Variants in MAGI2 observed in about 807,000 individuals in gnomAD.
MAGI2 encodes the protein membrane-associated guanylate kinase, WW and PDZ domain-containing protein 2.
A neutral mutation model predicts 133.3 loss-of-function variants in MAGI2; 35 were observed. That is an observed-to-expected ratio of 0.26 (90% CI 0.20 to 0.35). The LOEUF (loss-of-function observed/expected upper bound fraction) is 0.35. Ranked by LOEUF, MAGI2 falls within the 10% of genes least tolerant of loss-of-function variation. The probability of loss-of-function intolerance (pLI) is 1.00; values close to 1 mark genes in which losing one functional copy is unlikely to be tolerated. For synonymous variants in MAGI2, 729 were observed against 710.6 expected (o/e 1.03, Z -0.41); for missense variants, 1,636 against 1,863.4 (o/e 0.88, Z 2.25).
intron 2 of MAGI2, among the ~76,000 whole-genome samples, chr7:78,786,444 G>A (rs953830426): frequency 1.3e-5 from 2 of 152,146 alleles, no homozygotes; most frequent in African/African-American, 4.8e-5. Context: ...ATAAGCCAAT[G>A]TCATAAAAGT....
At chr7:79,310,936 A>C (rs1563102969) in intron 1 of MAGI2, among the ~76,000 whole-genome samples, 2 of 110,898 alleles carry the variant, frequency 1.8e-5, no homozygotes, top group Admixed American at 1.1e-4. Context: ...TCACTTTAAA[A>C]CACACACACA....
intron 2 of MAGI2, among the ~76,000 whole-genome samples, chr7:78,655,181 T>TAAAA (rs1324794134): frequency 6.6e-6 from 1 of 151,330 alleles, no homozygotes; most frequent in African/African-American, 2.4e-5. Context: ...AGAAAAAGGC[T>TAAAA]AAAAAAGTGA....
intron 10 of MAGI2, among the ~76,000 whole-genome samples, chr7:78,222,062 A>G (rs1788887796): frequency 6.6e-6 from 1 of 152,032 alleles, no homozygotes; most frequent in Non-Finnish European, 1.5e-5. Flanking sequence ...AAAAAATCAA[A>G]TATGCAAAAC....
chr7:78,436,798 A>G (rs1182547769), intron 6 of MAGI2, among the ~76,000 whole-genome samples: 1 of 152,160 alleles, frequency 6.6e-6, no homozygotes, highest in African/African-American at 2.4e-5. Context: ...CGCATCCCCA[A>G]GCTGGCCTGT....
At chr7:78,634,041 C>T (rs899907666) in intron 2 of MAGI2, among the ~76,000 whole-genome samples, 3 of 152,038 alleles carry the variant, frequency 2.0e-5, no homozygotes, top group African/African-American at 7.2e-5. Flanking sequence ...ATAATCAAAG[C>T]TTTAAATCAC....
intron 7 of MAGI2, among the ~76,000 whole-genome samples, chr7:78,355,832 C>CA (rs1216487895): frequency 6.6e-6 from 1 of 152,050 alleles, no homozygotes; most frequent in Non-Finnish European, 1.5e-5. Context: ...TTTCTGAAGA[C>CA]AAAAATGTGA....
At chr7:78,769,222 CT>C (rs1248439878) in intron 2 of MAGI2, among the ~76,000 whole-genome samples, 2 of 151,802 alleles carry the variant, frequency 1.3e-5, no homozygotes, top group African/African-American at 4.8e-5. Context: ...AAAAACACAG[CT>C]TTTTACTTTC....
chr7:78,870,724 T>C (rs999922741), intron 2 of MAGI2, among the ~76,000 whole-genome samples: 4 of 152,074 alleles, frequency 2.6e-5, no homozygotes, highest in African/African-American at 9.7e-5. Context: ...AAATAAATCA[T>C]TATATGAAAA....
intron 3 of MAGI2, among the ~76,000 whole-genome samples, chr7:78,548,112 C>G (rs1273438880): frequency 6.6e-6 from 1 of 152,212 alleles, no homozygotes; most frequent in African/African-American, 2.4e-5. Context: ...AGAGCCTTGA[C>G]CAACTATCTA....
At chr7:78,642,788 T>C (rs1358343325) in intron 2 of MAGI2, among the ~76,000 whole-genome samples, 1 of 152,230 alleles carries the variant, frequency 6.6e-6, no homozygotes, top group Non-Finnish European at 1.5e-5. Context: ...CATTTTACTC[T>C]TTTTATACCT....
At chr7:78,850,821 C>T (rs1278709903) in intron 2 of MAGI2, among the ~76,000 whole-genome samples, 1 of 152,056 alleles carries the variant, frequency 6.6e-6, no homozygotes, top group African/African-American at 2.4e-5. Flanking sequence ...TTTAATTGCT[C>T]ATTAGCAAAC....
intron 6 of MAGI2, among the ~76,000 whole-genome samples, chr7:78,428,163 G>T (rs1799465004): frequency 6.6e-6 from 1 of 152,184 alleles, no homozygotes; most frequent in Non-Finnish European, 1.5e-5. Context: ...GGACAGAAAA[G>T]AGGACAAGTT....
chr7:78,689,105 A>C (rs1816686143), intron 2 of MAGI2, among the ~76,000 whole-genome samples: 1 of 152,228 alleles, frequency 6.6e-6, no homozygotes, highest in Non-Finnish European at 1.5e-5. Context: ...TTCACAATAC[A>C]AAGCAGTGTT....
At chr7:78,479,141 A>G (rs1201720945) in intron 6 of MAGI2, among the ~76,000 whole-genome samples, 1 of 151,998 alleles carries the variant, frequency 6.6e-6, no homozygotes, top group Non-Finnish European at 1.5e-5. Context: ...ACAACTCTGT[A>G]GTAAGAAGTT....
chr7:79,189,048 G>C (rs1376426496), intron 1 of MAGI2, among the ~76,000 whole-genome samples: 2 of 151,640 alleles, frequency 1.3e-5, no homozygotes, highest in African/African-American at 4.9e-5. Flanking sequence ...AAATTTTGTT[G>C]TTGTTTTTAA....
At chr7:78,323,702 ATCT>A (rs1200552104) in intron 9 of MAGI2, among the ~76,000 whole-genome samples, 15 of 152,156 alleles carry the variant, frequency 9.9e-5, no homozygotes, top group African/African-American at 2.7e-4. Context: ...ATCAAGTGAA[ATCT>A]TCTTGTAATT....
chr7:78,696,795 T>C (rs1233072026), intron 2 of MAGI2, among the ~76,000 whole-genome samples: 1 of 152,248 alleles, frequency 6.6e-6, no homozygotes, highest in African/African-American at 2.4e-5. Context: ...GTTGAGTGGT[T>C]TGATGCTCTC....
At chr7:78,425,524 C>T (rs1213668950) in intron 6 of MAGI2, among the ~76,000 whole-genome samples, 1 of 152,164 alleles carries the variant, frequency 6.6e-6, no homozygotes, top group African/African-American at 2.4e-5. Flanking sequence ...AGGAGCTAGA[C>T]ATCTGTATGT....
intron 21 of MAGI2, among the ~76,000 whole-genome samples, chr7:78,039,837 T>C (rs1298440443): frequency 6.6e-6 from 1 of 152,122 alleles, no homozygotes; most frequent in Non-Finnish European, 1.5e-5. Context: ...ACAAAGCAAT[T>C]GGAGAAATTG....
Sources: allele counts gnomAD v4.1 joint callset (sites outside exome capture counted in the v4.1 genomes callset), GRCh38; gene constraint gnomAD v4.1.1; transcripts MANE v1.5; gene names NCBI Gene and HGNC (gene_info 2026-07-23, HGNC 2026-07-21).